The following BDH2 variants were observed in gnomAD, a reference collection of about 807,000 sequenced individuals.
BDH2 encodes 3-hydroxybutyrate dehydrogenase 2, also known as dehydrogenase/reductase SDR family member 6.
Under a neutral mutation model 33.2 loss-of-function variants are expected in BDH2, and 24 were observed. The observed-to-expected ratio is 0.72, with a 90% CI of 0.52 to 1.02. BDH2 has a LOEUF of 1.02. BDH2 is among the 50% of genes least tolerant of loss of function. The pLI is 0.00. For synonymous variants in BDH2, 81 were observed against 101.6 expected, an observed-to-expected ratio of 0.80 and a Z score of 1.22; for missense variants, 249 against 301.6, an observed-to-expected ratio of 0.83 and a Z score of 1.29.
rs528077476 is a variant in BDH2, at chr4:103,091,412, A to G, written c.249-127T>C. On this transcript the variant is annotated intron_variant, in intron 4 of 9. Coordinates refer to ENST00000296424, the MANE Select transcript of BDH2 (RefSeq NM_020139.4). ...TCTTTCCCTTATCAAGACTTTAAAC[A>G]ATTCATAGTATCACTTAGTATATTA... The G allele has an allele frequency of 4.9e-6, 3 of 609,804 alleles. No individual in the cohort carries two copies. The Admixed American group carries it at 8.5e-5, about 17-fold the overall frequency. The allele number at this position is 609,804 out of a possible 1,614,324, so 37.8% of individuals were successfully genotyped here.
chr4:103,089,807 A>T (rs1343074879), intron 5 of BDH2, among the ~76,000 whole-genome samples: 1 of 152,170 alleles, frequency 6.6e-6, no homozygotes, highest in Non-Finnish European at 1.5e-5. Flanking sequence ...AGTTTCTCAT[A>T]AACTCCAAAT....
rs539254150 is a variant in BDH2, at chr4:103,079,701, A to G, written c.*1T>C. 3.7e-6 allele frequency: 6 copies of G among 1,613,892 alleles called. No homozygotes were observed. The African/African-American group carries it at 6.7e-5, about 18-fold the overall frequency. Reference sequence around the variant, plus strand: ...TCCTTCCCACCATGGAGATCCTAAAATCACAAGCTCCAGCCTCCATCAATG... The same window carrying G: ...TCCTTCCCACCATGGAGATCCTAAAGTCACAAGCTCCAGCCTCCATCAATG... On this transcript the variant is annotated 3_prime_UTR_variant, in exon 10 of 10. Coordinates refer to ENST00000296424, the MANE Select transcript of BDH2 (RefSeq NM_020139.4).
At chr4:103,091,140 G>T in intron 5 of BDH2, 37 bp downstream of exon 5, 1 of 1,343,116 alleles carries the variant, frequency 7.4e-7, no homozygotes, top group Non-Finnish European at 1.1e-6. Context: ...GAGACCTAAT[G>T]TGGTGCTTAT....
intron 7 of BDH2, among the ~76,000 whole-genome samples, chr4:103,083,301 G>A (rs1005661566): frequency 2.2e-4 from 34 of 152,100 alleles, no homozygotes; most frequent in African/African-American, 7.2e-4. Context: ...AGATAAAATC[G>A]TACAAGCACT....
In BDH2 at chr4:103,082,870, C is replaced by A; in HGVS notation, c.591+1G>T. 6.2e-7 allele frequency: 1 copy of A among 1,607,474 alleles called. No individual in the cohort carries two copies. Among genetic ancestry groups the A allele is most frequent in the Middle Eastern group, 1.7e-4 (1 of 6,050 alleles). Reference sequence around the variant, plus strand: ...AAATACATTTTAAATGCTAGATGTACCTCTTCAGGATTTCCTCTGGCTTGT... The same window carrying A: ...AAATACATTTTAAATGCTAGATGTAACTCTTCAGGATTTCCTCTGGCTTGT... On this transcript the variant is annotated splice_donor_variant, in intron 8 of 9. Coordinates refer to ENST00000296424, the MANE Select transcript of BDH2 (RefSeq NM_020139.4). LOFTEE classifies it high-confidence loss of function.
chr4:103,097,679 A>T (rs1748476607), intron 1 of BDH2: 1 of 152,230 alleles, frequency 6.6e-6, no homozygotes, highest in Non-Finnish European at 1.5e-5. Context: ...TCCCACCTGC[A>T]GTTCATTCAC....
At chr4:103,092,174 A>C (rs1405137903) in intron 4 of BDH2, among the ~76,000 whole-genome samples, 1 of 152,232 alleles carries the variant, frequency 6.6e-6, no homozygotes, top group Non-Finnish European at 1.5e-5. Flanking sequence ...CAGGAACCAC[A>C]TGATTATTTC....
rs140115620 is a variant in BDH2, at chr4:103,079,409, T to C, written c.*293A>G. On this transcript the variant is annotated 3_prime_UTR_variant, in exon 10 of 10. Transcript: ENST00000296424. Reference sequence around the variant, plus strand: ...ACACTCCATCTATGGTAATTTGTTATAGCAGCCCAAAGTGACTAAGACAGA... The same window carrying C: ...ACACTCCATCTATGGTAATTTGTTACAGCAGCCCAAAGTGACTAAGACAGA... 6.4e-3 allele frequency: 2,073 copies of C among 321,602 alleles called. 83 individuals are homozygous for C. The East Asian group carries it at 0.088, about 14-fold the overall frequency. 19.9% of individuals were successfully genotyped at this position (321,602 alleles called of 1,614,324 possible). A position where few individuals can be genotyped will look rare whatever the true frequency, so the allele number is the denominator to read the frequency against.
At position 103,091,214 on chromosome 4, in the gene BDH2, C is replaced by T. The variant is rs143985505; in HGVS notation, c.320G>A (p.Arg107His). Residue 107 changes from arginine (R) to histidine (H), a missense_variant, in exon 5 of 10, where the codon CGC (arginine) becomes CAC (histidine). Transcript: ENST00000296424. ...TGCCTTGATCATCAGGTACATGCTGCGCACATTGAGATTCATCGAGAAGTC... is the reference window on the plus strand; with the variant it reads ...TGCCTTGATCATCAGGTACATGCTGTGCACATTGAGATTCATCGAGAAGTC... ...DWDFSMNLNV[R>H]SMYLMIKAFL... 7.9e-5 allele frequency: 127 copies of T among 1,612,882 alleles called. No homozygotes were observed. The East Asian group carries it at 2.1e-3, about 26-fold the overall frequency.
chr4:103,092,431 C>T, intron 4 of BDH2, 169 bp downstream of exon 4: 1 of 609,608 alleles, frequency 1.6e-6, no homozygotes, highest in East Asian at 2.8e-5. Flanking sequence ...GGCTGTCTTA[C>T]CTGCTGAATT....
At chr4:103,095,048 G>A (rs1028491226) in intron 3 of BDH2, among the ~76,000 whole-genome samples, 155 bp downstream of exon 3, 8 of 152,112 alleles carry the variant, frequency 5.3e-5, no homozygotes, top group Non-Finnish European at 8.8e-5. Context: ...TTTGTCTATA[G>A]GTTCACAAAA....
chr4:103,082,211 G>A, intron 8 of BDH2, 38 bp from the exon 9 acceptor site: 1 of 1,548,184 alleles, frequency 6.5e-7, no homozygotes, highest in Non-Finnish European at 8.9e-7. Context: ...AGTGATGGAA[G>A]CAGCTGTATG....
intron 5 of BDH2, 21 bp from the exon 6 acceptor site, chr4:103,086,561 C>CA (rs3832316): frequency 0.031 from 38,209 of 1,230,356 alleles, 118 homozygotes; most frequent in African/African-American, 0.087. Context: ...AAAACAAATA[C>CA]AAAAAAAAAA....
Position 103,091,226 on chromosome 4 carries a change from T to A in BDH2, c.308A>T (p.Asn103Ile). The change falls in exon 5 of 10, where the codon AAT becomes ATT. Residue 103 changes from asparagine to isoleucine, a missense_variant. By Grantham distance (149) the Asn-to-Ile change is moderately radical (BLOSUM62 -3). Coordinates refer to ENST00000296424, the MANE Select transcript of BDH2 (RefSeq NM_020139.4). The stretch of plus-strand genomic sequence containing the variant: ...CAGGTACATGCTGCGCACATTGAGA[T>A]TCATCGAGAAGTCCCAGTCTTTCTC... ...CEEKDWDFSM[N>I]LNVRSMYLMI... 2.5e-6 allele frequency: 4 copies of A among 1,613,448 alleles called. No homozygotes were observed. Among genetic ancestry groups the A allele is most frequent in the Non-Finnish European group, 3.4e-6 (4 of 1,179,792 alleles).
rs190423109 is a variant in BDH2, at chr4:103,093,505, G to T, written c.152-809C>A. On this transcript the variant is annotated intron_variant, in intron 3 of 9. Coordinates refer to ENST00000296424, the MANE Select transcript of BDH2 (RefSeq NM_020139.4). ...AAACTCCAAACAGTGTCTAACAAAA[G>T]CAGCAGTCATCATTATAAATATATA... Among the ~76,000 whole-genome samples the T allele has an allele frequency of 2.0e-3, 298 of 151,094 alleles. 1 individual carries two copies. The highest frequency in any genetic ancestry group is 7.1e-3 in the African/African-American group (291 of 41,184).
rs896644236 is a variant in BDH2 at position 103,096,214 on chromosome 4, G to C, written c.41C>G (p.Ala14Gly). The part of the protein sequence containing the change: ...LDGKVIILTA[A>G]AQGIGQAAAL... Reference sequence around the variant, plus strand: ...AGCTGCTTGGCCAATCCCCTGAGCAGCGGCCGTCAGGATGATGACTTTCCC... The same window carrying C: ...AGCTGCTTGGCCAATCCCCTGAGCACCGGCCGTCAGGATGATGACTTTCCC... Residue 14 changes from alanine (A) to glycine (G), a missense_variant, in exon 2 of 10, where the codon GCT (alanine) becomes GGT (glycine). Physicochemically the swap from Ala to Gly is moderately conservative, Grantham distance 60 (BLOSUM62 0). Coordinates refer to ENST00000296424, the MANE Select transcript of BDH2 (RefSeq NM_020139.4). 13 of 1,613,886 alleles carry C rather than the reference G, an allele frequency of 8.1e-6. No individual in the cohort carries two copies. The Admixed American group carries it at 1.5e-4, about 19-fold the overall frequency.
intron 5 of BDH2, 93 bp from the exon 6 acceptor site, chr4:103,086,633 C>CAGA: frequency 6.8e-7 from 1 of 1,463,040 alleles, no homozygotes; most frequent in Non-Finnish European, 9.1e-7. Flanking sequence ...TTAGGGTTTG[C>CAGA]AGAATGAATT....
chr4:103,091,093 C>T, intron 5 of BDH2, 84 bp downstream of exon 5: 1 of 769,082 alleles, frequency 1.3e-6, no homozygotes, highest in Non-Finnish European at 2.2e-6. Flanking sequence ...TATCACTCTT[C>T]AGCACATGTG....
chr4:103,084,861 C>T (rs1747697698), intron 7 of BDH2, among the ~76,000 whole-genome samples: 1 of 152,112 alleles, frequency 6.6e-6, no homozygotes, highest in South Asian at 2.1e-4. Context: ...CTGGCATGCC[C>T]TTCAGGTTTG....
Sources: allele counts gnomAD v4.1 joint callset (sites outside exome capture counted in the v4.1 genomes callset), GRCh38; gene constraint gnomAD v4.1.1; transcripts MANE v1.5; gene names NCBI Gene and HGNC (gene_info 2026-07-23, HGNC 2026-07-21).